Variants in KCNAB1 observed in about 807,000 individuals in gnomAD.
KCNAB1 encodes the protein potassium voltage-gated channel subfamily A regulatory beta subunit 1.
A neutral mutation model predicts 64.6 loss-of-function variants in KCNAB1; 35 were observed. The ratio of observed to expected loss-of-function variants is 0.54; its 90% CI spans 0.41 to 0.72. The LOEUF (loss-of-function observed/expected upper bound fraction) is 0.72. Ranked by LOEUF, KCNAB1 falls within the 30% of genes least tolerant of loss-of-function variation. The pLI is 0.00. For missense variants in KCNAB1, 401 were observed against 512.9 expected, an observed-to-expected ratio of 0.78 and a Z score of 2.11; for synonymous variants, 177 against 183.8, an observed-to-expected ratio of 0.96 and a Z score of 0.30.
chr3:156,258,362 T>C (rs1311427864), intron 1 of KCNAB1, among the ~76,000 whole-genome samples: 6 of 152,224 alleles, frequency 3.9e-5, no homozygotes, highest in Non-Finnish European at 8.8e-5. Flanking sequence ...CTGCCTAACA[T>C]AACTACCATT....
chr3:156,315,652 A>G (rs1201273510), intron 1 of KCNAB1, among the ~76,000 whole-genome samples: 3 of 152,164 alleles, frequency 2.0e-5, no homozygotes, highest in African/African-American at 7.2e-5. Context: ...TCTCAACTAT[A>G]GCATAAATGA....
intron 1 of KCNAB1, among the ~76,000 whole-genome samples, chr3:156,236,055 G>A (rs1174562566): frequency 6.6e-6 from 1 of 152,088 alleles, no homozygotes; most frequent in Non-Finnish European, 1.5e-5. Flanking sequence ...ATCAGACTCT[G>A]GTGTGGCCTG....
chr3:156,473,905 A>T (rs938867427), intron 7 of KCNAB1, among the ~76,000 whole-genome samples: 3 of 152,216 alleles, frequency 2.0e-5, no homozygotes, highest in African/African-American at 7.2e-5. Flanking sequence ...TTTTGGTTGC[A>T]TAATATTATA....
intron 1 of KCNAB1, among the ~76,000 whole-genome samples, chr3:156,218,671 TG>T (rs1195066006): frequency 6.6e-6 from 1 of 151,786 alleles, no homozygotes; most frequent in Non-Finnish European, 1.5e-5. Context: ...AAGCAGGTGC[TG>T]GTATCCATGG....
chr3:156,191,712 T>C (rs1164079334), intron 1 of KCNAB1, among the ~76,000 whole-genome samples: 2 of 152,234 alleles, frequency 1.3e-5, no homozygotes, highest in Admixed American at 1.3e-4. Context: ...TTCCCATTGA[T>C]ATAATGCTAA....
intron 1 of KCNAB1, among the ~76,000 whole-genome samples, chr3:156,265,621 C>A (rs1718656075): frequency 6.6e-6 from 1 of 152,188 alleles, no homozygotes; most frequent in Non-Finnish European, 1.5e-5. Context: ...GGGAATTCTT[C>A]TATTTACCCA....
chr3:156,390,014 G>T (rs1712911617), intron 1 of KCNAB1, among the ~76,000 whole-genome samples: 1 of 152,182 alleles, frequency 6.6e-6, no homozygotes, highest in Non-Finnish European at 1.5e-5. Context: ...TGCTTACACA[G>T]ACATATCATT....
At chr3:156,511,186 C>A (rs1177756768) in intron 8 of KCNAB1, among the ~76,000 whole-genome samples, 3 of 152,138 alleles carry the variant, frequency 2.0e-5, no homozygotes, top group Non-Finnish European at 2.9e-5. Flanking sequence ...TTACTGCGAG[C>A]TCCACCTCCC....
intron 12 of KCNAB1, among the ~76,000 whole-genome samples, chr3:156,527,977 A>C (rs927536796): frequency 6.6e-6 from 1 of 152,200 alleles, no homozygotes; most frequent in Non-Finnish European, 1.5e-5. Flanking sequence ...AATCAGCTGC[A>C]GTTGCTACCA....
In KCNAB1 at chr3:156,400,913, G is replaced by A. The variant is rs1158933344; in HGVS notation, c.276-20703G>A. Among the ~76,000 whole-genome samples the A allele has an allele frequency of 2.0e-5, 3 of 152,140 alleles. 1 individual carries two copies. The highest frequency in any genetic ancestry group is 4.2e-4 in the South Asian group (2 of 4,818). On this transcript the variant is annotated intron_variant, in intron 1 of 13. Coordinates refer to ENST00000490337, the MANE Select transcript of KCNAB1 (RefSeq NM_172160.3). ...TTATGTACTCACCATGTCATAGAAT[G>A]ATGTTTATTTACTTGTCCTCCCTGC...
chr3:156,398,364 G>A (rs997194104), intron 1 of KCNAB1, among the ~76,000 whole-genome samples: 2 of 152,048 alleles, frequency 1.3e-5, no homozygotes, highest in African/African-American at 2.4e-5. Flanking sequence ...AGGCCGAGGC[G>A]GGTGGATCAC....
At chr3:156,474,890 C>T (rs909118560) in intron 8 of KCNAB1, 70 bp downstream of exon 8, 72 of 1,156,324 alleles carry the variant, frequency 6.2e-5, no homozygotes, top group Middle Eastern at 2.0e-4. Flanking sequence ...CTGCTCACAG[C>T]AGGAAATGAA....
intron 1 of KCNAB1, among the ~76,000 whole-genome samples, chr3:156,285,701 C>T (rs770315225): frequency 2.4e-4 from 37 of 152,158 alleles, no homozygotes; most frequent in Non-Finnish European, 1.9e-4. Flanking sequence ...CAGGGTTTCA[C>T]CATGTTGCCC....
intron 1 of KCNAB1, among the ~76,000 whole-genome samples, chr3:156,174,677 C>T (rs777324691): frequency 2.6e-5 from 4 of 152,112 alleles, no homozygotes; most frequent in African/African-American, 4.8e-5. Context: ...TCAGTGTGCC[C>T]GAGGTCGAGA....
At chr3:156,314,458 C>A (rs748850488) in intron 1 of KCNAB1, among the ~76,000 whole-genome samples, 9 of 152,122 alleles carry the variant, frequency 5.9e-5, no homozygotes, top group Non-Finnish European at 1.0e-4. Flanking sequence ...CTATCAAAGG[C>A]CACCCAACCT....
chr3:156,185,404 C>T (rs1165357950), intron 1 of KCNAB1, among the ~76,000 whole-genome samples: 1 of 152,200 alleles, frequency 6.6e-6, no homozygotes, highest in East Asian at 1.9e-4. Context: ...GCTGGGGAGG[C>T]ACAACTTTAC....
At chr3:156,267,934 A>G (rs1224266598) in intron 1 of KCNAB1, among the ~76,000 whole-genome samples, 1 of 152,134 alleles carries the variant, frequency 6.6e-6, no homozygotes, top group East Asian at 1.9e-4. Context: ...TTAAATCATT[A>G]TTGACCATAG....
At chr3:156,389,338 GA>G (rs1170410366) in intron 1 of KCNAB1, among the ~76,000 whole-genome samples, 1 of 152,144 alleles carries the variant, frequency 6.6e-6, no homozygotes, top group Non-Finnish European at 1.5e-5. Context: ...GCCTTGCCAT[GA>G]CCTTGGCTCC....
chr3:156,354,169 T>G (rs1024714563), intron 1 of KCNAB1, among the ~76,000 whole-genome samples: 11 of 148,506 alleles, frequency 7.4e-5, no homozygotes, highest in African/African-American at 2.7e-4. Context: ...TGTATATATT[T>G]TTTTTTGGAC....
Sources: allele counts gnomAD v4.1 joint callset (sites outside exome capture counted in the v4.1 genomes callset), GRCh38; gene constraint gnomAD v4.1.1; transcripts MANE v1.5; gene names NCBI Gene and HGNC (gene_info 2026-07-23, HGNC 2026-07-21).